COQ7: variants seen among roughly 807,000 people sequenced by gnomAD.
The protein encoded by COQ7 is coenzyme Q7, hydroxylase, also known as NADPH-dependent 3-demethoxyubiquinone 3-hydroxylase, mitochondrial.
A neutral mutation model predicts 25.0 loss-of-function variants in COQ7; 21 were observed. That is an observed-to-expected ratio of 0.84 (90% CI 0.60 to 1.21). The LOEUF is 1.21. Among genes scored for constraint, COQ7 ranks in the 50% most tolerant of loss-of-function variants. The probability of loss-of-function intolerance (pLI) is 0.00; values close to 1 mark genes in which losing one functional copy is unlikely to be tolerated. For synonymous variants in COQ7, 125 were observed against 112.4 expected (o/e 1.11, Z -0.71); for missense variants, 311 against 296.2 (o/e 1.05, Z -0.37).
chr16:19,083,051 CTTAAA>C (rs1374693255), downstream of COQ7, among the ~76,000 whole-genome samples: 4 of 152,062 alleles, frequency 2.6e-5, no homozygotes, highest in African/African-American at 7.2e-5. Context: ...ACAACCTATA[CTTAAA>C]TTTACTGGAT....
chr16:19,078,335 T>C lies in COQ7; in HGVS notation c.*177T>C. 2.1e-6 allele frequency: 1 copy of C among 484,398 alleles called. No homozygotes were observed. The highest frequency in any genetic ancestry group is 3.5e-6 in the Non-Finnish European group (1 of 286,480). The allele number at this position is 484,398 out of a possible 1,614,324, so 30.0% of individuals were successfully genotyped here. ...CAGTGTTGATTTTTCTCTGGGTTGT[T>C]TTTTCTGCCATGAGACCAACAGGTC... On this transcript the variant is annotated 3_prime_UTR_variant, in exon 6 of 6. Coordinates refer to ENST00000321998, the MANE Select transcript of COQ7 (RefSeq NM_016138.5).
At position 19,075,682 on chromosome 16, in the gene COQ7, C is replaced by G. The variant is rs1218541912; in HGVS notation, c.368-39C>G. On this transcript the variant is annotated intron_variant, in intron 3 of 5. Coordinates refer to ENST00000321998, the MANE Select transcript of COQ7 (RefSeq NM_016138.5). ...AGATGGTCTCCATTACCGGTCATAT[C>G]TGTCTCTTACTTTTCTGGTCTGGGT... is the stretch of plus-strand genomic sequence containing the variant. 3.9e-6 allele frequency: 6 copies of G among 1,530,664 alleles called. No individual in the cohort carries two copies. The South Asian group carries it at 7.9e-5, about 20-fold the overall frequency. 94.8% of individuals were successfully genotyped at this position (1,530,664 alleles called of 1,614,324 possible).
chr16:19,077,589 G>GTTTTTTTTTTTTTTTT (rs1413837387), intron 5 of COQ7, among the ~76,000 whole-genome samples: 2 of 18,606 alleles, frequency 1.1e-4, no homozygotes, highest in Non-Finnish European at 1.8e-4. Context: ...TTCCCCAGAA[G>GTTTTTTTTTTTTTTTT]CTTTTTTTTT....
intron 1 of COQ7, among the ~76,000 whole-genome samples, chr16:19,071,532 C>T (rs955416747): frequency 2.9e-4 from 44 of 152,198 alleles, no homozygotes; most frequent in Admixed American, 1.1e-3. Flanking sequence ...GTTCAGAGAG[C>T]CCCCTCCCAG....
chr16:19,075,892 C>A, intron 4 of COQ7, 32 bp downstream of exon 4: 3 of 1,613,586 alleles, frequency 1.9e-6, no homozygotes, highest in African/African-American at 2.7e-5. Flanking sequence ...CGGGGCTGCT[C>A]AAGGAGGAAA....
chr16:19,081,689 C>T (rs1163126194), downstream of COQ7, among the ~76,000 whole-genome samples: 4 of 152,186 alleles, frequency 2.6e-5, no homozygotes, highest in African/African-American at 9.7e-5. Flanking sequence ...TGCAAATAAT[C>T]AGGCCAAGTA....
Position 19,072,064 on chromosome 16 carries a change from G to T in COQ7, c.210G>T (p.Gln70His). ...EYGANRIYAG[Q>H]MAVLGRTSVG... The stretch of plus-strand genomic sequence containing the variant: ...GAGCAAACCGCATCTATGCCGGGCA[G>T]ATGGCTGTCCTGGGTCGGACCAGCG... The change falls in exon 2 of 6, where the codon CAG becomes CAT. Residue 70 changes from glutamine to histidine, a missense_variant. Coordinates refer to ENST00000321998, the MANE Select transcript of COQ7 (RefSeq NM_016138.5). The T allele has an allele frequency of 6.2e-7, 1 of 1,614,214 alleles. No homozygotes were observed. Among genetic ancestry groups the T allele is most frequent in the Non-Finnish European group, 8.5e-7 (1 of 1,180,046 alleles).
At chr16:19,080,520 C>T (rs945320267), downstream of COQ7, among the ~76,000 whole-genome samples, 1 of 152,114 alleles carries the variant, frequency 6.6e-6, no homozygotes, top group African/African-American at 2.4e-5. Flanking sequence ...TTCCCCAAAT[C>T]GAACTTTAGC....
In COQ7 at chr16:19,068,296, T is replaced by C. The variant is rs1353494905; in HGVS notation, c.73+559T>C. The C allele has an allele frequency of 1.0e-5, 10 of 990,686 alleles. No homozygotes were observed. The East Asian group carries it at 5.6e-4, about 56-fold the overall frequency. 61.4% of individuals were successfully genotyped at this position (990,686 alleles called of 1,614,324 possible). On this transcript the variant is annotated intron_variant, in intron 1 of 5. Transcript: ENST00000321998. ...AGTGGAAGGAGCATCGAATTTAGAGTAGAGAGACATGGTTTTGGACCCTGG... is the reference window on the plus strand; with the variant it reads ...AGTGGAAGGAGCATCGAATTTAGAGCAGAGAGACATGGTTTTGGACCCTGG...
chr16:19,075,621 C>T (rs1030584757), intron 3 of COQ7, 100 bp from the exon 4 acceptor site: 156 of 1,330,932 alleles, frequency 1.2e-4, no homozygotes, highest in Non-Finnish European at 1.5e-4. Context: ...TGACCCGGCC[C>T]GATGTCTGGT....
chr16:19,075,858 C>A lies in COQ7; in HGVS notation c.505C>A (p.Gln169Lys), dbSNP rs150852870. Reference sequence around the variant, plus strand: ...CCCTGAAAAATACGAGGAACTTCTTCAGGTATTTATCCGTGCTCTAGAACG... The same window carrying A: ...CCCTGAAAAATACGAGGAACTTCTTAAGGTATTTATCCGTGCTCTAGAACG... Reference protein sequence around the residue: ...EDPEKYEELLQLIKKFRDEEL... With the variant: ...EDPEKYEELLKLIKKFRDEEL... The change falls in exon 4 of 6, where the codon CAG (glutamine) becomes AAG (lysine). Residue 169 changes from glutamine (Q) to lysine (K), a missense_variant and splice_region_variant. By Grantham distance (53) the Gln-to-Lys change is moderately conservative. Coordinates refer to ENST00000321998, the MANE Select transcript of COQ7 (RefSeq NM_016138.5). 1 of 1,614,084 alleles carries A rather than the reference C, an allele frequency of 6.2e-7. No homozygotes were observed. Among genetic ancestry groups the A allele is most frequent in the African/African-American group, 1.3e-5 (1 of 74,938 alleles).
At position 19,067,999 on chromosome 16, in the gene COQ7, G is replaced by A. The variant is rs1962321914; in HGVS notation, c.73+262G>A. The A allele has an allele frequency of 6.0e-6, 8 of 1,343,434 alleles. No individual in the cohort carries two copies. The South Asian group carries it at 1.5e-4, about 25-fold the overall frequency. The allele number at this position is 1,343,434 out of a possible 1,614,324, so 83.2% of individuals were successfully genotyped here. On this transcript the variant is annotated intron_variant, in intron 1 of 5. Transcript: ENST00000321998. ...CGCAATTGCACCCCTGTGCAGTGAT[G>A]TCACGGCAGGTGCGGCCAGCGTTCC...
In COQ7 at chr16:19,071,707, T is replaced by A. The variant is rs917668045; in HGVS notation, c.74-221T>A. On this transcript the variant is annotated intron_variant, in intron 1 of 5. Transcript: ENST00000321998. Reference sequence around the variant, plus strand: ...GCCTGGTAAGAAGGTAGGCTCAGCATTTCCAGATCTTCATACACTTAAAGT... The same window carrying A: ...GCCTGGTAAGAAGGTAGGCTCAGCAATTCCAGATCTTCATACACTTAAAGT... 4.7e-5 allele frequency: 26 copies of A among 557,212 alleles called. 1 individual carries two copies. Among genetic ancestry groups the A allele is most frequent in the Non-Finnish European group, 8.0e-5 (25 of 313,056 alleles). The allele number at this position is 557,212 out of a possible 1,614,324, so 34.5% of individuals were successfully genotyped here. A position where few individuals can be genotyped will look rare whatever the true frequency, so the allele number is the denominator to read the frequency against.
At chr16:19,068,793 C>T (rs1369609020) in intron 1 of COQ7, 4 of 435,736 alleles carry the variant, frequency 9.2e-6, no homozygotes, top group Non-Finnish European at 1.8e-5. Flanking sequence ...TTTTGTATAG[C>T]TATGTCCCAT....
intron 2 of COQ7, among the ~76,000 whole-genome samples, chr16:19,073,651 G>T (rs1328673734): frequency 6.6e-6 from 1 of 152,176 alleles, no homozygotes; most frequent in East Asian, 1.9e-4. Flanking sequence ...CACATTGTGG[G>T]CCTGAGAGAC....
rs1364605575 is a variant in COQ7, at chr16:19,078,086, A to G, written c.582A>G (p.Pro194=). 3.1e-6 allele frequency: 5 copies of G among 1,604,676 alleles called. No homozygotes were observed. ...TTGCTTATTGTTTTTAACAGGCTCC[A>G]GCCTATGCCGTCCTGAAGAGCATTA... ...IGLDHDAELA[P]AYAVLKSIIQ... The change falls in exon 6 of 6, where the codon CCA becomes CCG. Residue 194 remains proline, a synonymous_variant. Coordinates refer to ENST00000321998, the MANE Select transcript of COQ7 (RefSeq NM_016138.5).
At chr16:19,082,148 C>A (rs1016941115), downstream of COQ7, among the ~76,000 whole-genome samples, 4 of 151,988 alleles carry the variant, frequency 2.6e-5, no homozygotes, top group Non-Finnish European at 4.4e-5. Flanking sequence ...CCAAACAAGG[C>A]AATCTTACTC....
Position 19,078,092 on chromosome 16 carries a change from T to C in COQ7, c.588T>C (p.Tyr196=). 1 of 1,608,416 alleles carries C rather than the reference T, an allele frequency of 6.2e-7. No homozygotes were observed. The highest frequency in any genetic ancestry group is 8.5e-7 in the Non-Finnish European group (1 of 1,177,592). The change falls in exon 6 of 6, where the codon TAT becomes TAC. Residue 196 remains tyrosine, a synonymous_variant. Transcript: ENST00000321998. ...LDHDAELAPA[Y]AVLKSIIQAG... The stretch of plus-strand genomic sequence containing the variant: ...ATTGTTTTTAACAGGCTCCAGCCTA[T>C]GCCGTCCTGAAGAGCATTATCCAGG...
At chr16:19,075,183 G>A (rs1285724161) in intron 3 of COQ7, among the ~76,000 whole-genome samples, 1 of 149,090 alleles carries the variant, frequency 6.7e-6, no homozygotes, top group Non-Finnish European at 1.5e-5. Context: ...GAGGACATGT[G>A]GCAATACCTA....
Sources: gnomAD v4.1 joint callset for allele counts (sites outside exome capture counted in the v4.1 genomes callset) on GRCh38, gnomAD v4.1.1 for gene constraint, MANE v1.5 for transcripts, NCBI Gene and HGNC (gene_info 2026-07-23, HGNC 2026-07-21) for gene names.